AFF1: variants seen among roughly 807,000 people sequenced by gnomAD.
AFF1 encodes ALF transcription elongation factor 1.
In AFF1, 48 loss-of-function variants were observed where a neutral mutation model predicts 121.7. The observed-to-expected ratio is 0.39, with a 90% CI of 0.31 to 0.50. The LOEUF (loss-of-function observed/expected upper bound fraction) is 0.50, where lower values mean the gene tolerates loss of function less well. AFF1 is among the 20% of genes least tolerant of loss of function. The probability of loss-of-function intolerance (pLI) is 0.76; values close to 1 mark genes in which losing one functional copy is unlikely to be tolerated. For missense variants in AFF1, 1,523 were observed against 1,511.7 expected (o/e 1.01, Z -0.12); for synonymous variants, 613 against 563.0 (o/e 1.09, Z -1.26).
chr4:87,133,519 T>G (rs904959243), intron 19 of AFF1, among the ~76,000 whole-genome samples: 2 of 152,230 alleles, frequency 1.3e-5, no homozygotes, highest in African/African-American at 2.4e-5. Context: ...GAGATATTAT[T>G]CTAAGCTAAT....
chr4:87,066,795 C>G (rs998578180), intron 4 of AFF1, among the ~76,000 whole-genome samples: 7 of 152,204 alleles, frequency 4.6e-5, no homozygotes, highest in African/African-American at 1.7e-4. Flanking sequence ...CAGCACTTTC[C>G]TGGTGGACAG....
At chr4:87,022,228 AATG>A (rs1360781317) in intron 2 of AFF1, among the ~76,000 whole-genome samples, 45 of 148,960 alleles carry the variant, frequency 3.0e-4, no homozygotes, top group Non-Finnish European at 6.3e-4. Context: ...AAAAAAAAAA[AATG>A]CCATGCTAAA....
At chr4:87,069,563 CCT>C (rs1369037216) in intron 4 of AFF1, among the ~76,000 whole-genome samples, 1 of 128,152 alleles carries the variant, frequency 7.8e-6, no homozygotes, top group African/African-American at 3.9e-5. Context: ...CTTTCCCTCT[CCT>C]CTCTCTCCTC....
intron 2 of AFF1, chr4:87,006,902 C>A: frequency 1.0e-6 from 1 of 966,282 alleles, no homozygotes; most frequent in Non-Finnish European, 1.2e-6. Flanking sequence ...GAGCGCCCTG[C>A]CCATTTAAGT....
chr4:87,071,980 T>TTG (rs149152030), intron 4 of AFF1, among the ~76,000 whole-genome samples: 47 of 151,778 alleles, frequency 3.1e-4, no homozygotes, highest in Non-Finnish European at 5.6e-4. Flanking sequence ...AACTTCTTGG[T>TTG]TGTGTGTGTG....
chr4:87,099,802 A>G (rs193096149), intron 8 of AFF1, among the ~76,000 whole-genome samples: 41 of 152,318 alleles, frequency 2.7e-4, no homozygotes, highest in African/African-American at 8.4e-4. Flanking sequence ...GGTGGCATAT[A>G]ATACAGAGCA....
At chr4:87,043,468 A>G (rs1438429698) in intron 2 of AFF1, among the ~76,000 whole-genome samples, 1 of 152,248 alleles carries the variant, frequency 6.6e-6, no homozygotes, top group East Asian at 1.9e-4. Flanking sequence ...TTTCCTAATC[A>G]GCCTGCTTAC....
intron 2 of AFF1, among the ~76,000 whole-genome samples, chr4:87,022,660 A>ATAGC (rs1487730835): frequency 1.2e-4 from 17 of 138,724 alleles, no homozygotes; most frequent in African/African-American, 4.1e-4. Context: ...GTGTATATAT[A>ATAGC]TGTGTGTGTA....
chr4:87,090,118 G>A, intron 6 of AFF1, 48 bp downstream of exon 6: 1 of 1,466,046 alleles, frequency 6.8e-7, no homozygotes, highest in Non-Finnish European at 9.5e-7. Context: ...TTAGTGAAAA[G>A]CGTAAGGCAT....
At chr4:87,131,891 T>C (rs749341155) in intron 18 of AFF1, 27 bp downstream of exon 18, 1 of 1,516,588 alleles carries the variant, frequency 6.6e-7, no homozygotes, top group South Asian at 1.3e-5. Context: ...GTCTAAATAG[T>C]ACTAAATTTG....
chr4:87,137,312 A>G lies in AFF1; in HGVS notation c.*1611A>G, dbSNP rs755403736. 4.4e-6 allele frequency: 1 copy of G among 227,630 alleles called. No homozygotes were observed. Among genetic ancestry groups the G allele is most frequent in the Non-Finnish European group, 8.7e-6 (1 of 114,314 alleles). The allele number at this position is 227,630 out of a possible 1,614,324, so 14.1% of individuals were successfully genotyped here. On this transcript the variant is annotated 3_prime_UTR_variant, in exon 21 of 21. Coordinates refer to ENST00000395146, the MANE Select transcript of AFF1 (RefSeq NM_001166693.3). ...CTATTAGTGGAGGAGGGAGAACCAT[A>G]TTTATTTATAATGAAGACATCTAAG...
At chr4:86,998,951 T>C (rs1725476519) in intron 2 of AFF1, among the ~76,000 whole-genome samples, 1 of 152,194 alleles carries the variant, frequency 6.6e-6, no homozygotes, top group African/African-American at 2.4e-5. Flanking sequence ...GGATGATTGG[T>C]GATTGGCTCA....
intron 4 of AFF1, among the ~76,000 whole-genome samples, chr4:87,054,768 T>C (rs1396322752): frequency 6.6e-6 from 1 of 152,122 alleles, no homozygotes; most frequent in African/African-American, 2.4e-5. Context: ...GATCTAAATA[T>C]AGAAGTTTTA....
intron 2 of AFF1, among the ~76,000 whole-genome samples, chr4:86,978,192 T>TTTTTTTTTTG (rs1723457833): frequency 1.7e-5 from 2 of 114,544 alleles, no homozygotes; most frequent in Non-Finnish European, 3.7e-5. Flanking sequence ...TTTTTTTTTT[T>TTTTTTTTTTG]TTTTTTTTTG....
intron 2 of AFF1, among the ~76,000 whole-genome samples, chr4:87,010,580 C>G (rs1726635981): frequency 6.6e-6 from 1 of 152,172 alleles, no homozygotes; most frequent in Non-Finnish European, 1.5e-5. Flanking sequence ...AGTATAAAAA[C>G]TAGCAACTAG....
intron 1 of AFF1, among the ~76,000 whole-genome samples, chr4:86,940,674 A>G (rs1720390662): frequency 6.6e-6 from 1 of 152,146 alleles, no homozygotes; most frequent in South Asian, 2.1e-4. Flanking sequence ...TGCTGGGATT[A>G]CAGATGTGAG....
At chr4:87,083,612 A>C (rs1723385885) in intron 4 of AFF1, among the ~76,000 whole-genome samples, 1 of 152,044 alleles carries the variant, frequency 6.6e-6, no homozygotes, top group African/African-American at 2.4e-5. Context: ...TATTTTGTAC[A>C]TCTCTTATTC....
At chr4:87,134,855 G>C (rs1315177351) in intron 20 of AFF1, among the ~76,000 whole-genome samples, 161 bp downstream of exon 20, 1 of 151,954 alleles carries the variant, frequency 6.6e-6, no homozygotes, top group Non-Finnish European at 1.5e-5. Context: ...CCTAGTTGCG[G>C]TTGTTCCTTG....
At chr4:86,970,562 T>A (rs1178137730) in intron 2 of AFF1, among the ~76,000 whole-genome samples, 1 of 152,236 alleles carries the variant, frequency 6.6e-6, no homozygotes, top group Admixed American at 6.5e-5. Flanking sequence ...GAGATCCTGC[T>A]TTCCTGGAGT....
Sources: gnomAD v4.1 joint callset for allele counts (sites outside exome capture counted in the v4.1 genomes callset) on GRCh38, gnomAD v4.1.1 for gene constraint, MANE v1.5 for transcripts, NCBI Gene and HGNC (gene_info 2026-07-23, HGNC 2026-07-21) for gene names.